Variants in LRRN2 observed in about 807,000 individuals in gnomAD.
The protein encoded by LRRN2 is leucine-rich repeat neuronal protein 2.
Under a neutral mutation model 35.7 loss-of-function variants are expected in LRRN2, and 10 were observed. The observed-to-expected ratio is 0.28, with a 90% CI of 0.17 to 0.47. The LOEUF (loss-of-function observed/expected upper bound fraction) is 0.47. Among genes scored for constraint, LRRN2 ranks in the 20% least tolerant of loss-of-function variants. The pLI is 0.99. For synonymous variants in LRRN2, 391 were observed against 409.6 expected, an observed-to-expected ratio of 0.95 and a Z score of 0.55; for missense variants, 731 against 940.3, an observed-to-expected ratio of 0.78 and a Z score of 2.91.
chr1:204,644,604 T>C (rs1668060004), intron 1 of LRRN2, among the ~76,000 whole-genome samples: 1 of 152,192 alleles, frequency 6.6e-6, no homozygotes, highest in African/African-American at 2.4e-5. Context: ...GTCATCTCCT[T>C]TGTGACACCT....
At chr1:204,658,094 C>T (rs1668399604) in intron 1 of LRRN2, among the ~76,000 whole-genome samples, 2 of 151,298 alleles carry the variant, frequency 1.3e-5, no homozygotes, top group African/African-American at 4.9e-5. Flanking sequence ...TCTCCTGCCT[C>T]AGCCTCCGGA....
At chr1:204,653,949 T>G (rs2104732) in intron 1 of LRRN2, among the ~76,000 whole-genome samples, 54,862 of 148,632 alleles carry the variant, frequency 0.37, 12,403 homozygotes, top group Admixed American at 0.49. Context: ...TGTGGAAGGA[T>G]CACTTCAGTC....
rs1204989121 is a variant in LRRN2 at position 204,619,021 on chromosome 1, G to A, written c.972C>T (p.Ser324=). Residue 324 remains serine (S), a synonymous_variant, in exon 2 of 2, where the codon TCC becomes TCT. Coordinates refer to ENST00000367177, the MANE Select transcript of LRRN2 (RefSeq NM_201630.2). Reference sequence around the variant, plus strand: ...GGTGGAAGGCGCGGGGGTGGATGAAGGACAGCCGTGGGTTATTGGTGATGT... The same window carrying A: ...GGTGGAAGGCGCGGGGGTGGATGAAAGACAGCCGTGGGTTATTGGTGATGT... The part of the protein sequence containing the change: ...KLDITNNPRL[S]FIHPRAFHHL... 2.5e-6 allele frequency: 4 copies of A among 1,609,196 alleles called. No individual in the cohort carries two copies. Among genetic ancestry groups the A allele is most frequent in the South Asian group, 1.1e-5 (1 of 90,566 alleles).
chr1:204,618,252 T>C lies in LRRN2; in HGVS notation c.1741A>G (p.Ser581Gly). 1 of 1,612,484 alleles carries C rather than the reference T, an allele frequency of 6.2e-7. No homozygotes were observed. ...TGAAGGAGGCGGGTAATGTTGTAGCTGTGGGTTCCCCGAGGCAGGCGGGCC... is the reference window on the plus strand; with the variant it reads ...TGAAGGAGGCGGGTAATGTTGTAGCCGTGGGTTCCCCGAGGCAGGCGGGCC... ...ALARLPRGTH[S>G]YNITRLLQAT... The change falls in exon 2 of 2, where the codon AGC (serine) becomes GGC (glycine). Residue 581 changes from serine (S) to glycine (G), a missense_variant. This residue lies in a region of LRRN2 where 229 missense variants were observed against 258.4 expected (regional missense o/e 0.89). Transcript: ENST00000367177.
At chr1:204,638,091 C>G (rs2102599130) in intron 1 of LRRN2, among the ~76,000 whole-genome samples, 1 of 152,060 alleles carries the variant, frequency 6.6e-6, no homozygotes, top group African/African-American at 2.4e-5. Flanking sequence ...CAGTGATTGC[C>G]TGCTCTCACC....
Position 204,618,284 on chromosome 1 carries a change from G to A in LRRN2, c.1709C>T (p.Thr570Ile). 1.2e-6 allele frequency: 2 copies of A among 1,604,042 alleles called. No individual in the cohort carries two copies. The highest frequency in any genetic ancestry group is 1.1e-5 in the South Asian group (1 of 89,244). The change falls in exon 2 of 2, where the codon ACA (threonine) becomes ATA (isoleucine). Residue 570 changes from threonine (T) to isoleucine (I), a missense_variant. By Grantham distance (89) the Thr-to-Ile change is moderately conservative. Transcript: ENST00000367177. The part of the protein sequence containing the change: ...SASSLRGQGA[T>I]ALARLPRGTH... The stretch of plus-strand genomic sequence containing the variant: ...TCCCCGAGGCAGGCGGGCCAGAGCT[G>A]TGGCCCCCTGGCCCCGGAGGGAGGA...
At position 204,618,925 on chromosome 1, in the gene LRRN2, C is replaced by T; in HGVS notation, c.1068G>A (p.Glu356=). 1 of 1,614,170 alleles carries T rather than the reference C, an allele frequency of 6.2e-7. No individual in the cohort carries two copies. The highest frequency in any genetic ancestry group is 2.2e-5 in the East Asian group (1 of 44,880). ...ALSALHQQTV[E]SLPNLQEVGL... Reference sequence around the variant, plus strand: ...CTACCTCCTGCAGGTTGGGCAGGGACTCCACCGTCTGCTGGTGCAAGGCAC... The same window carrying T: ...CTACCTCCTGCAGGTTGGGCAGGGATTCCACCGTCTGCTGGTGCAAGGCAC... Residue 356 remains glutamate (E), a synonymous_variant, in exon 2 of 2, where the codon GAG becomes GAA. Transcript: ENST00000367177.
rs778752230 is a variant in LRRN2, at chr1:204,618,353, G to A, written c.1640C>T (p.Thr547Ile). ...GTTGGTGGACACTGTGTTGGGTGGG[G>A]TGACCCAAGATAGCAGGATGTGATA... ...HPYHILLSWVTPPNTVSTNLT... is the reference protein window; with the variant it reads ...HPYHILLSWVIPPNTVSTNLT... Residue 547 changes from threonine to isoleucine, a missense_variant, in exon 2 of 2, where the codon ACC becomes ATC. Physicochemically the swap from Thr to Ile is moderately conservative, Grantham distance 89. This residue lies in a region of LRRN2 where 229 missense variants were observed against 258.4 expected (regional missense o/e 0.89). Transcript: ENST00000367177. 48 of 1,597,446 alleles carry A rather than the reference G, an allele frequency of 3.0e-5. No homozygotes were observed. The highest frequency in any genetic ancestry group is 3.2e-5 in the Non-Finnish European group (38 of 1,170,894).
chr1:204,665,603 A>C (rs994627003), intron 1 of LRRN2, among the ~76,000 whole-genome samples: 6 of 152,150 alleles, frequency 3.9e-5, no homozygotes, highest in Non-Finnish European at 8.8e-5. Context: ...CTCTCTGTGA[A>C]AGGCCCACCC....
intron 1 of LRRN2, among the ~76,000 whole-genome samples, chr1:204,672,025 G>T (rs16854102): frequency 6.6e-6 from 1 of 152,224 alleles, no homozygotes; most frequent in Non-Finnish European, 1.5e-5. Context: ...AGGTCTATGG[G>T]CACACGCCAA....
chr1:204,670,728 C>CAAAAA lies in LRRN2; in HGVS notation c.-227+14587_-227+14591dup, dbSNP rs34945535. Among the ~76,000 whole-genome samples, 332 of 148,530 alleles carry CAAAAA rather than the reference C, an allele frequency of 2.2e-3. 5 individuals carry two copies. Among genetic ancestry groups the CAAAAA allele is most frequent in the African/African-American group, 8.0e-3 (322 of 40,280 alleles). ...GAGAAGCCAAGGGAAAAGAAAGTGT[C>CAAAAA]AAAAAAAAAAATGAGTGGAAAATGC... On this transcript the variant is annotated intron_variant, in intron 1 of 1. Coordinates refer to ENST00000367177, the MANE Select transcript of LRRN2 (RefSeq NM_201630.2).
At chr1:204,651,952 G>T (rs1668234575) in intron 1 of LRRN2, among the ~76,000 whole-genome samples, 1 of 152,172 alleles carries the variant, frequency 6.6e-6, no homozygotes, top group Non-Finnish European at 1.5e-5. Flanking sequence ...TCCCCAGCCG[G>T]CCCCTGCCAG....
chr1:204,646,957 G>A (rs1200689799), intron 1 of LRRN2, among the ~76,000 whole-genome samples: 1 of 152,174 alleles, frequency 6.6e-6, no homozygotes, highest in Non-Finnish European at 1.5e-5. Context: ...GCCCAGCCAT[G>A]GGGAAAGAGC....
At chr1:204,659,731 T>C (rs1668432073) in intron 1 of LRRN2, among the ~76,000 whole-genome samples, 1 of 152,184 alleles carries the variant, frequency 6.6e-6, no homozygotes, top group South Asian at 2.1e-4. Flanking sequence ...TGAGTTACTA[T>C]GTGTGAAGTG....
At chr1:204,676,764 T>C (rs1435918431) in intron 1 of LRRN2, among the ~76,000 whole-genome samples, 1 of 151,918 alleles carries the variant, frequency 6.6e-6, no homozygotes, top group Non-Finnish European at 1.5e-5. Flanking sequence ...TCTAGAGGAG[T>C]GGCCCTGGGG....
At chr1:204,670,324 C>T (rs1668680266) in intron 1 of LRRN2, among the ~76,000 whole-genome samples, 1 of 152,086 alleles carries the variant, frequency 6.6e-6, no homozygotes, top group African/African-American at 2.4e-5. Flanking sequence ...ATGCCATTCA[C>T]AAAACAGGCA....
chr1:204,626,379 C>T (rs1349215113), intron 1 of LRRN2, among the ~76,000 whole-genome samples: 2 of 152,100 alleles, frequency 1.3e-5, no homozygotes, highest in African/African-American at 2.4e-5. Flanking sequence ...GAGAGCCACA[C>T]TTCCCCTGAC....
intron 1 of LRRN2, among the ~76,000 whole-genome samples, chr1:204,654,115 G>A (rs1003203773): frequency 3.3e-5 from 5 of 151,458 alleles, no homozygotes; most frequent in East Asian, 1.9e-4. Context: ...TTTGAATCTC[G>A]GCAGTCTGGC....
intron 1 of LRRN2, among the ~76,000 whole-genome samples, chr1:204,630,260 G>C (rs1377827450): frequency 1.3e-5 from 2 of 149,674 alleles, no homozygotes; most frequent in Non-Finnish European, 3.0e-5. Context: ...TGGGTTTCCT[G>C]CCTCCAAGTG....
Sources: gnomAD v4.1 joint callset for allele counts (sites outside exome capture counted in the v4.1 genomes callset) on GRCh38, gnomAD v4.1.1 for gene constraint, gnomAD v4.1.1 regional missense constraint, MANE v1.5 for transcripts, NCBI Gene and HGNC (gene_info 2026-07-23, HGNC 2026-07-21) for gene names.